The following PGS1 variants were observed in gnomAD, a reference collection of about 807,000 sequenced individuals.
PGS1 encodes phosphatidylglycerophosphate synthase 1.
PGS1 carries 44 observed loss-of-function variants against 58.3 expected under a neutral mutation model. The ratio of observed to expected loss-of-function variants is 0.75; its 90% CI spans 0.59 to 0.97. The LOEUF (loss-of-function observed/expected upper bound fraction) is 0.97. Among genes scored for constraint, PGS1 ranks in the 50% least tolerant of loss-of-function variants. The pLI, the probability that PGS1 is intolerant of heterozygous loss-of-function variation, is 0.00. For synonymous variants in PGS1, 330 were observed against 311.0 expected, an observed-to-expected ratio of 1.06 and a Z score of -0.64; for missense variants, 684 against 731.1, an observed-to-expected ratio of 0.94 and a Z score of 0.74.
intron 8 of PGS1, 93 bp downstream of exon 8, chr17:78,415,120 T>G (rs1184184699): frequency 1.4e-6 from 2 of 1,432,208 alleles, no homozygotes; most frequent in African/African-American, 1.4e-5. Context: ...GAGAGCTGTT[T>G]CCTGAGGCAA....
intron 7 of PGS1, among the ~76,000 whole-genome samples, chr17:78,404,435 C>G (rs1172649672): frequency 6.6e-6 from 1 of 151,914 alleles, no homozygotes; most frequent in Non-Finnish European, 1.5e-5. Flanking sequence ...CGCGTGCCAC[C>G]ATGTCTGGCT....
chr17:78,402,411 TATATATATATATATATACACAC>T (rs1777309987), intron 6 of PGS1, among the ~76,000 whole-genome samples: 3 of 137,274 alleles, frequency 2.2e-5, no homozygotes, highest in East Asian at 4.1e-4. Flanking sequence ...TATATATATA[TATATATATATATATATACACAC>T]ACACACACAC....
chr17:78,378,687 G>T lies in PGS1; in HGVS notation c.22G>T (p.Ala8Ser). 1 of 1,527,630 alleles carries T rather than the reference G, an allele frequency of 6.5e-7. No individual in the cohort carries two copies. The allele number at this position is 1,527,630 out of a possible 1,614,324, so 94.6% of individuals were successfully genotyped here. The change falls in exon 1 of 10, where the codon GCG (alanine) becomes TCG (serine). Residue 8 changes from alanine to serine, a missense_variant. Physicochemically the swap from Ala to Ser is moderately conservative, Grantham distance 99 (BLOSUM62 1). Coordinates refer to ENST00000262764, the MANE Select transcript of PGS1 (RefSeq NM_024419.5). ...CTCCATGGCGGTGGCGGCGGCAGCT[G>T]CGGCGGGACCCGTGTTCTGGAGGCG... Reference protein sequence around the residue: MAVAAAAAAGPVFWRRLL... With the variant: MAVAAAASAGPVFWRRLL...
chr17:78,424,346 C>T lies in PGS1; in HGVS notation c.*296C>T, dbSNP rs1034002842. On this transcript the variant is annotated 3_prime_UTR_variant, in exon 10 of 10. Coordinates refer to ENST00000262764, the MANE Select transcript of PGS1 (RefSeq NM_024419.5). ...GGCCTGCATGTTGTAACTACCCCGTCCCGCTGGGCTCAAGGAACAGCTCAG... is the reference window on the plus strand; with the variant it reads ...GGCCTGCATGTTGTAACTACCCCGTTCCGCTGGGCTCAAGGAACAGCTCAG... 2.5e-5 allele frequency: 16 copies of T among 628,216 alleles called. No individual in the cohort carries two copies. In the Admixed American group the frequency reaches 5.0e-4, roughly 19 times the overall value. The allele number at this position is 628,216 out of a possible 1,614,324, so 38.9% of individuals were successfully genotyped here. A position where few individuals can be genotyped will look rare whatever the true frequency, so the allele number is the denominator to read the frequency against.
chr17:78,389,448 G>A (rs745777878), intron 1 of PGS1, among the ~76,000 whole-genome samples: 17 of 151,966 alleles, frequency 1.1e-4, no homozygotes, highest in East Asian at 1.9e-4. Flanking sequence ...GCCTCCCAAA[G>A]TGCTGAGATT....
chr17:78,403,204 C>G (rs990687833), intron 6 of PGS1, among the ~76,000 whole-genome samples: 1 of 152,184 alleles, frequency 6.6e-6, no homozygotes, highest in Non-Finnish European at 1.5e-5. Context: ...GGACCTGCTT[C>G]CTGGAGGCCC....
Position 78,392,640 on chromosome 17 carries a change from C to T in PGS1, c.308C>T (p.Pro103Leu), listed in dbSNP as rs534295665. Residue 103 changes from proline (P) to leucine (L), a missense_variant, in exon 2 of 10, where the codon CCG (proline) becomes CTG (leucine). Coordinates refer to ENST00000262764, the MANE Select transcript of PGS1 (RefSeq NM_024419.5). ...TCTCACGTTAGGGTGCTTTCTTCCC[C>T]GGCAGAGTTTTTCGAGCTCATGAAG... ...SSSHVRVLSS[P>L]AEFFELMKGQ... 42 of 1,613,674 alleles carry T rather than the reference C, an allele frequency of 2.6e-5. No homozygotes were observed. Among genetic ancestry groups the T allele is most frequent in the South Asian group, 3.3e-5 (3 of 91,044 alleles).
At chr17:78,421,460 C>G (rs1055388214) in intron 9 of PGS1, 2 of 152,322 alleles carry the variant, frequency 1.3e-5, no homozygotes, top group Admixed American at 6.5e-5. Context: ...TAGACAAGGA[C>G]AGTTGCAGCT....
At chr17:78,408,275 A>G (rs1054534247) in intron 7 of PGS1, among the ~76,000 whole-genome samples, 1 of 152,214 alleles carries the variant, frequency 6.6e-6, no homozygotes, top group Non-Finnish European at 1.5e-5. Context: ...GTGCCTATTC[A>G]GAATACTCAG....
intron 1 of PGS1, chr17:78,382,519 CAGGTTCCTCT>C (rs1354126586): frequency 6.6e-6 from 1 of 151,972 alleles, no homozygotes; most frequent in African/African-American, 2.4e-5. Context: ...AATCAGTATC[CAGGTTCCTCT>C]AGGTGATGTG....
intron 2 of PGS1, 136 bp from the exon 3 acceptor site, chr17:78,396,172 G>GC: frequency 1.5e-6 from 1 of 687,062 alleles, no homozygotes; most frequent in South Asian, 1.6e-5. Context: ...TTTCGAGCTT[G>GC]CTTTAAATAT....
intron 3 of PGS1, 138 bp downstream of exon 3, chr17:78,396,523 C>G: frequency 1.5e-6 from 1 of 653,014 alleles, no homozygotes; most frequent in Non-Finnish European, 2.7e-6. Context: ...TTTTGTTGCC[C>G]CAGATATGGG....
In PGS1 at chr17:78,406,243, G is replaced by A. The variant is rs770419095; in HGVS notation, c.1402+2154G>A. 2.6e-5 allele frequency among the ~76,000 whole-genome samples: 4 copies of A among 152,110 alleles called. No individual in the cohort carries two copies. The East Asian group carries it at 5.8e-4, about 22-fold the overall frequency. ...TGAGGCAGGAGAATGGCGTGAACCC[G>A]GGAGGTGGAGCTTGCAGTGAGCTGA... On this transcript the variant is annotated intron_variant, in intron 7 of 9. Coordinates refer to ENST00000262764, the MANE Select transcript of PGS1 (RefSeq NM_024419.5).
chr17:78,381,137 C>A (rs903217626), intron 1 of PGS1: 1 of 152,222 alleles, frequency 6.6e-6, no homozygotes, highest in Non-Finnish European at 1.5e-5. Context: ...AGCCACTGCG[C>A]CCAGCCACTT....
At chr17:78,401,972 C>T (rs569764416) in intron 6 of PGS1, among the ~76,000 whole-genome samples, 4 of 152,176 alleles carry the variant, frequency 2.6e-5, no homozygotes, top group Non-Finnish European at 5.9e-5. Context: ...AGAGCCAGCA[C>T]GCTCCGAGCA....
Position 78,414,913 on chromosome 17 carries a change from C to G in PGS1, c.1437C>G (p.Pro479=). The G allele has an allele frequency of 1.9e-6, 3 of 1,614,144 alleles. No individual in the cohort carries two copies. The highest frequency in any genetic ancestry group is 2.5e-6 in the Non-Finnish European group (3 of 1,180,000). Residue 479 remains proline (P), a synonymous_variant, in exon 8 of 10, where the codon CCC becomes CCG. Coordinates refer to ENST00000262764, the MANE Select transcript of PGS1 (RefSeq NM_024419.5). ...TGTACCTGGCAGGGAGCAGCCTGCC[C>G]TGTCTCACGCTGATTGGCTCTCCTA... ...LWLYLAGSSL[P]CLTLIGSPNF...
intron 1 of PGS1, among the ~76,000 whole-genome samples, chr17:78,392,166 A>T (rs201903360): frequency 1.3e-3 from 203 of 152,208 alleles, no homozygotes; most frequent in Non-Finnish European, 2.6e-3. Flanking sequence ...TTACTTGTGG[A>T]TGCTCTAAAT....
chr17:78,413,566 C>G (rs1267854296), intron 7 of PGS1, among the ~76,000 whole-genome samples: 1 of 152,204 alleles, frequency 6.6e-6, no homozygotes, highest in Non-Finnish European at 1.5e-5. Flanking sequence ...CACCTGCTCA[C>G]TCTCATTACC....
chr17:78,391,592 C>T (rs537181849), intron 1 of PGS1, among the ~76,000 whole-genome samples: 1 of 152,298 alleles, frequency 6.6e-6, no homozygotes, highest in South Asian at 2.1e-4. Flanking sequence ...ATTCTCCTGC[C>T]TTAGCCTCCC....
Sources: allele counts gnomAD v4.1 joint callset (sites outside exome capture counted in the v4.1 genomes callset), GRCh38; gene constraint gnomAD v4.1.1; transcripts MANE v1.5; gene names NCBI Gene and HGNC (gene_info 2026-07-23, HGNC 2026-07-21).